SYNE1: variants seen among roughly 807,000 people sequenced by gnomAD.
SYNE1 encodes the protein spectrin repeat containing nuclear envelope protein 1.
A neutral mutation model predicts 1,111.0 loss-of-function variants in SYNE1; 616 were observed. The ratio of observed to expected loss-of-function variants is 0.55; its 90% CI spans 0.52 to 0.59. The LOEUF (loss-of-function observed/expected upper bound fraction) is 0.59. SYNE1 is among the 20% of genes least tolerant of loss of function. SYNE1 has a pLI of 0.00. For missense variants in SYNE1, 10,006 were observed against 10,417.0 expected (o/e 0.96, Z 1.72); for synonymous variants, 3,855 against 3,825.8 (o/e 1.01, Z -0.28).
chr6:152,520,228 G>T (rs951130288), intron 6 of SYNE1, among the ~76,000 whole-genome samples: 2 of 152,098 alleles, frequency 1.3e-5, no homozygotes, highest in African/African-American at 4.8e-5. Context: ...ATTGTATTAT[G>T]GTTATGTAAG....
chr6:152,609,222 G>A (rs1338682994), intron 3 of SYNE1, among the ~76,000 whole-genome samples: 1 of 152,060 alleles, frequency 6.6e-6, no homozygotes, highest in Non-Finnish European at 1.5e-5. Context: ...CTTAGCCAAG[G>A]GAAGCCGTGA....
At chr6:152,341,888 C>T (rs1412272396) in intron 74 of SYNE1, among the ~76,000 whole-genome samples, 2 of 152,168 alleles carry the variant, frequency 1.3e-5, no homozygotes, top group Non-Finnish European at 2.9e-5. Context: ...GTTTTGCTTA[C>T]AGTTTCAGTT....
chr6:152,604,986 AAGAAAGAAAGAAAGAAAGAAAGAG>A (rs1234851013), intron 3 of SYNE1, among the ~76,000 whole-genome samples: 516 of 26,802 alleles, frequency 0.019, 13 homozygotes, highest in Middle Eastern at 0.038. Context: ...GAAAGAAAGA[AAGAAAGAAAGAAAGAAAGAAAGAG>A]AGAGAGAGAG....
intron 65 of SYNE1, among the ~76,000 whole-genome samples, chr6:152,358,891 AC>A (rs2096884102): frequency 6.6e-6 from 1 of 152,232 alleles, no homozygotes; most frequent in Non-Finnish European, 1.5e-5. Flanking sequence ...ATTTGGACGT[AC>A]TGTGGATTAA....
At chr6:152,193,737 C>T (rs947020202) in intron 127 of SYNE1, among the ~76,000 whole-genome samples, 30 of 152,132 alleles carry the variant, frequency 2.0e-4, no homozygotes, top group African/African-American at 4.6e-4. Flanking sequence ...ACAGGCCAGG[C>T]GCGGTAGCTC....
At chr6:152,314,918 T>C (rs67989845) in intron 87 of SYNE1, among the ~76,000 whole-genome samples, 6,079 of 44,114 alleles carry the variant, frequency 0.14, 448 homozygotes, top group African/African-American at 0.3. Context: ...CTCACTGCAA[T>C]GATGACGAGG....
chr6:152,213,205 T>A (rs966305288), intron 123 of SYNE1, among the ~76,000 whole-genome samples: 2 of 152,186 alleles, frequency 1.3e-5, no homozygotes, highest in African/African-American at 4.8e-5. Context: ...TCTTTGAAGA[T>A]CACAAAATTT....
intron 38 of SYNE1, among the ~76,000 whole-genome samples, chr6:152,426,325 A>G (rs759880218): frequency 4.6e-5 from 7 of 152,266 alleles, no homozygotes; most frequent in African/African-American, 7.2e-5. Flanking sequence ...AAGGGATTAG[A>G]GGAAGGAATA....
In SYNE1 at chr6:152,262,174, A is replaced by C. The variant is rs1464989007; in HGVS notation, c.18830T>G (p.Val6277Gly). 1 of 1,613,848 alleles carries C rather than the reference A, an allele frequency of 6.2e-7. No homozygotes were observed. The highest frequency in any genetic ancestry group is 8.5e-7 in the Non-Finnish European group (1 of 1,179,938). ...TTCCATCCCCAACTCCTGGGATAAC[A>C]CATCAGGTTTTTCGCTATTAGAAGA... Reference protein sequence around the residue: ...TSGDAGEKPDVLSQELGMEGE... With the variant: ...TSGDAGEKPDGLSQELGMEGE... The change falls in exon 101 of 146, where the codon GTG becomes GGG. Residue 6277 changes from valine to glycine, a missense_variant. By Grantham distance (109) the Val-to-Gly change is moderately radical (BLOSUM62 -3). This residue lies in a region of SYNE1 where 2,182 missense variants were observed against 2,287.8 expected (regional missense o/e 0.95). Transcript: ENST00000367255.
chr6:152,208,142 G>A lies in SYNE1; in HGVS notation c.22654C>T (p.Gln7552Ter). ...NQWQGVIRRA[Q>*]QRRGIIDSQI... Reference sequence around the variant, plus strand: ...CTGTCAATGATCCCCCGCCTCTGCTGGGCCCTGCGAATCACTCCCTGCCAT... The same window carrying A: ...CTGTCAATGATCCCCCGCCTCTGCTAGGCCCTGCGAATCACTCCCTGCCAT... Residue 7552 changes from glutamine (Q) to a stop codon, truncating the protein, a stop_gained, in exon 125 of 146, where the codon CAG (glutamine) becomes TAG (stop). Transcript: ENST00000367255. LOFTEE classifies it high-confidence loss of function. 1 of 1,614,088 alleles carries A rather than the reference G, an allele frequency of 6.2e-7. No homozygotes were observed. Among genetic ancestry groups the A allele is most frequent in the Non-Finnish European group, 8.5e-7 (1 of 1,180,022 alleles).
chr6:152,334,991 G>A (rs1036265745), intron 76 of SYNE1, among the ~76,000 whole-genome samples: 2 of 152,170 alleles, frequency 1.3e-5, no homozygotes, highest in Admixed American at 6.5e-5. Context: ...GAGTACATTC[G>A]CAAAGTGGAA....
At chr6:152,316,057 C>T (rs867230922) in intron 87 of SYNE1, 2 of 152,208 alleles carry the variant, frequency 1.3e-5, no homozygotes, top group African/African-American at 4.8e-5. Context: ...GATAACTAGC[C>T]TATTAACTAT....
intron 72 of SYNE1, among the ~76,000 whole-genome samples, chr6:152,347,846 A>C (rs962460733): frequency 7.0e-6 from 1 of 142,186 alleles, no homozygotes; most frequent in Non-Finnish European, 1.5e-5. Context: ...ACACCTGGCT[A>C]ATTTTTTTTT....
chr6:152,479,972 T>C (rs2098874919), intron 14 of SYNE1, among the ~76,000 whole-genome samples: 1 of 152,174 alleles, frequency 6.6e-6, no homozygotes, highest in Non-Finnish European at 1.5e-5. Flanking sequence ...GTGTGAAGAA[T>C]GAAAAAAACC....
chr6:152,477,566 G>A (rs1367526171), intron 14 of SYNE1, among the ~76,000 whole-genome samples: 1 of 152,106 alleles, frequency 6.6e-6, no homozygotes, highest in African/African-American at 2.4e-5. Flanking sequence ...ATTTAAAATT[G>A]CAACAACACC....
intron 78 of SYNE1, among the ~76,000 whole-genome samples, chr6:152,328,073 A>G (rs2096128423): frequency 6.6e-6 from 1 of 152,204 alleles, no homozygotes; most frequent in African/African-American, 2.4e-5. Flanking sequence ...ATCTGAGGTT[A>G]CTTCGTGTCA....
chr6:152,582,095 C>A (rs1313373823), intron 3 of SYNE1, among the ~76,000 whole-genome samples: 5 of 151,934 alleles, frequency 3.3e-5, no homozygotes, highest in Non-Finnish European at 7.3e-5. Context: ...TTGCTTCTGC[C>A]AAATCGTATC....
intron 110 of SYNE1, 100 bp downstream of exon 110, chr6:152,236,007 A>G (rs2083934955): frequency 3.0e-6 from 4 of 1,335,362 alleles, no homozygotes; most frequent in Non-Finnish European, 4.3e-6. Flanking sequence ...CCACCCAAGT[A>G]ATGAGATTAT....
At chr6:152,625,615 A>G (rs2099684146) in intron 3 of SYNE1, among the ~76,000 whole-genome samples, 1 of 152,200 alleles carries the variant, frequency 6.6e-6, no homozygotes, top group South Asian at 2.1e-4. Flanking sequence ...TTTGTCAGGT[A>G]CCCTTATGCC....
Sources: allele counts gnomAD v4.1 joint callset (sites outside exome capture counted in the v4.1 genomes callset), GRCh38; gene constraint gnomAD v4.1.1; regional missense constraint gnomAD v4.1.1; transcripts MANE v1.5; gene names NCBI Gene and HGNC (gene_info 2026-07-23, HGNC 2026-07-21).